RALGAPA1: variants seen among roughly 807,000 people sequenced by gnomAD.
The protein encoded by RALGAPA1 is Ral GTPase activating protein catalytic subunit alpha 1.
In RALGAPA1, 52 loss-of-function variants were observed where a neutral mutation model predicts 269.6. That is an observed-to-expected ratio of 0.19 (90% CI 0.15 to 0.24). The LOEUF (loss-of-function observed/expected upper bound fraction) is 0.24, where lower values mean the gene tolerates loss of function less well. Ranked by LOEUF, RALGAPA1 falls within the 10% of genes least tolerant of loss-of-function variation. RALGAPA1 has a pLI of 1.00. For missense variants in RALGAPA1, 1,917 were observed against 3,013.9 expected, an observed-to-expected ratio of 0.64 and a Z score of 8.52; for synonymous variants, 817 against 1,008.3, an observed-to-expected ratio of 0.81 and a Z score of 3.60.
chr14:35,727,785 T>C (rs866471483), intron 13 of RALGAPA1, among the ~76,000 whole-genome samples: 2 of 152,178 alleles, frequency 1.3e-5, no homozygotes, highest in Middle Eastern at 3.4e-3. Flanking sequence ...TAAGGATATG[T>C]AGAAACAGGA....
chr14:35,670,214 T>C (rs1046020407), intron 26 of RALGAPA1, among the ~76,000 whole-genome samples: 1 of 152,230 alleles, frequency 6.6e-6, no homozygotes, highest in African/African-American at 2.4e-5. Flanking sequence ...CACATCTTAC[T>C]AGGCCCCAAA....
In RALGAPA1 at chr14:35,721,688, C is replaced by A. The variant is rs778071028; in HGVS notation, c.2266G>T (p.Ala756Ser). The A allele has an allele frequency of 1.3e-5, 21 of 1,612,076 alleles. No homozygotes were observed. Among genetic ancestry groups the A allele is most frequent in the Non-Finnish European group, 1.8e-5 (21 of 1,179,524 alleles). ...TCTCATGATTTTCAAGAGTACATAC[C>A]GACAGTTTTTTGCCGTACTATACTC... is the stretch of plus-strand genomic sequence containing the variant. ...ARSIVRQKTV[A>S]MRSRSIGECA... Residue 756 changes from alanine (A) to serine (S), a missense_variant and splice_region_variant, in exon 16 of 42, where the codon GCC (alanine) becomes TCC (serine). Ala to Ser is a moderately conservative substitution (Grantham distance 99, BLOSUM62 1). This residue lies in a region of RALGAPA1 where 125 missense variants were observed against 155.7 expected (regional missense o/e 0.80). Transcript: ENST00000680220.
At chr14:35,699,572 G>C (rs949884490) in intron 17 of RALGAPA1, among the ~76,000 whole-genome samples, 1 of 152,008 alleles carries the variant, frequency 6.6e-6, no homozygotes, top group African/African-American at 2.4e-5. Context: ...TTGGAAGTTA[G>C]GGCTTCACAG....
chr14:35,594,641 A>G (rs1197311485), intron 37 of RALGAPA1, among the ~76,000 whole-genome samples: 1 of 152,016 alleles, frequency 6.6e-6, no homozygotes, highest in East Asian at 1.9e-4. Flanking sequence ...AAGGTAAGAG[A>G]TAACAAACAT....
chr14:35,651,976 C>T (rs2062857744), intron 30 of RALGAPA1, 103 bp from the exon 31 acceptor site: 2 of 866,064 alleles, frequency 2.3e-6, no homozygotes, highest in Admixed American at 5.7e-5. Flanking sequence ...AAACCTACTA[C>T]TGCAAATTTA....
At chr14:35,735,038 A>G (rs544578705) in intron 12 of RALGAPA1, among the ~76,000 whole-genome samples, 1 of 150,720 alleles carries the variant, frequency 6.6e-6, no homozygotes, top group African/African-American at 2.4e-5. Flanking sequence ...ATAATAATAA[A>G]AAAAAAAAAA....
chr14:35,734,668 CA>C (rs1051819020), intron 12 of RALGAPA1, among the ~76,000 whole-genome samples: 10 of 152,060 alleles, frequency 6.6e-5, no homozygotes, highest in African/African-American at 2.2e-4. Flanking sequence ...ACCAAGAACC[CA>C]AAAGCAGTAT....
intron 12 of RALGAPA1, among the ~76,000 whole-genome samples, chr14:35,738,095 A>G (rs1160788056): frequency 6.6e-6 from 1 of 152,092 alleles, no homozygotes; most frequent in Non-Finnish European, 1.5e-5. Context: ...ATCTCAAAAA[A>G]AAAAAAAAGT....
chr14:35,635,487 A>AT lies in RALGAPA1; in HGVS notation c.5787dup (p.Ser1930IlefsTer8). 6.3e-7 allele frequency: 1 copy of AT among 1,599,924 alleles called. No individual in the cohort carries two copies. The highest frequency in any genetic ancestry group is 8.5e-7 in the Non-Finnish European group (1 of 1,174,788). ...ACCTTATAAATGCAATTGAGAACAG[A>AT]TTTTTCTGTTTTATCGCTTTCTGCT... On this transcript the variant is annotated frameshift_variant, in exon 32 of 42. Transcript: ENST00000680220. LOFTEE classifies it high-confidence loss of function.
At chr14:35,727,616 A>G (rs560237220) in intron 13 of RALGAPA1, among the ~76,000 whole-genome samples, 15 of 152,216 alleles carry the variant, frequency 9.9e-5, no homozygotes, top group African/African-American at 3.4e-4. Context: ...AATGTAGGAA[A>G]TATAAAAATA....
intron 3 of RALGAPA1, among the ~76,000 whole-genome samples, chr14:35,773,815 CT>C (rs1017646982): frequency 2.0e-5 from 3 of 151,948 alleles, no homozygotes; most frequent in African/African-American, 4.8e-5. Context: ...AAAAAAAATT[CT>C]TTTTTTCCCC....
At chr14:35,729,972 C>A (rs1004181829) in intron 12 of RALGAPA1, among the ~76,000 whole-genome samples, 2 of 152,156 alleles carry the variant, frequency 1.3e-5, no homozygotes, top group East Asian at 1.9e-4. Flanking sequence ...ACTGCAAGAA[C>A]AAACACCAGG....
intron 6 of RALGAPA1, among the ~76,000 whole-genome samples, chr14:35,759,329 A>G (rs910833516): frequency 3.3e-5 from 5 of 152,168 alleles, no homozygotes; most frequent in Non-Finnish European, 5.9e-5. Flanking sequence ...GGATTGAACT[A>G]TGTACCCTGA....
At chr14:35,569,119 A>C (rs1436985979) in intron 39 of RALGAPA1, among the ~76,000 whole-genome samples, 1 of 152,220 alleles carries the variant, frequency 6.6e-6, no homozygotes, top group Non-Finnish European at 1.5e-5. Flanking sequence ...CTGTGTCAGA[A>C]TACATGAGAA....
intron 39 of RALGAPA1, among the ~76,000 whole-genome samples, chr14:35,554,170 T>C (rs1448721520): frequency 2.0e-5 from 3 of 152,072 alleles, no homozygotes; most frequent in Non-Finnish European, 4.4e-5. Flanking sequence ...GTTGAGCAGA[T>C]TAGAGTAAAT....
intron 5 of RALGAPA1, among the ~76,000 whole-genome samples, chr14:35,762,476 A>T (rs1440245693): frequency 6.6e-6 from 1 of 152,090 alleles, no homozygotes; most frequent in African/African-American, 2.4e-5. Flanking sequence ...GGCTGGTCTC[A>T]AACTCCTGGC....
chr14:35,743,112 CAT>C (rs2071722938), intron 10 of RALGAPA1, among the ~76,000 whole-genome samples: 1 of 151,968 alleles, frequency 6.6e-6, no homozygotes, highest in South Asian at 2.1e-4. Flanking sequence ...AGAAAACCCA[CAT>C]AGACATGGGG....
At chr14:35,545,642 A>G (rs888882457) in intron 41 of RALGAPA1, among the ~76,000 whole-genome samples, 1 of 152,088 alleles carries the variant, frequency 6.6e-6, no homozygotes, top group Non-Finnish European at 1.5e-5. Flanking sequence ...TAACTTAAAG[A>G]CATAATACTC....
intron 17 of RALGAPA1, among the ~76,000 whole-genome samples, chr14:35,694,533 T>C (rs1198003676): frequency 6.6e-6 from 1 of 152,154 alleles, no homozygotes; most frequent in Non-Finnish European, 1.5e-5. Flanking sequence ...GTTTTTACAT[T>C]ATTGTAATCA....
Sources: gnomAD v4.1 joint callset for allele counts (sites outside exome capture counted in the v4.1 genomes callset) on GRCh38, gnomAD v4.1.1 for gene constraint, gnomAD v4.1.1 regional missense constraint, MANE v1.5 for transcripts, NCBI Gene and HGNC (gene_info 2026-07-23, HGNC 2026-07-21) for gene names.